ST18: variants seen among roughly 807,000 people sequenced by gnomAD.
The protein encoded by ST18 is suppression of tumorigenicity 18 protein.
Under a neutral mutation model 110.0 loss-of-function variants are expected in ST18, and 50 were observed. The observed-to-expected ratio is 0.45, with a 90% CI of 0.36 to 0.58. ST18 has a LOEUF of 0.58. Ranked by LOEUF, ST18 falls within the 20% of genes least tolerant of loss-of-function variation. The pLI is 0.00. For missense variants in ST18, 1,306 were observed against 1,280.1 expected, an observed-to-expected ratio of 1.02 and a Z score of -0.31; for synonymous variants, 461 against 452.4, an observed-to-expected ratio of 1.02 and a Z score of -0.24.
At chr8:52,237,833 G>A (rs558426606) in intron 2 of ST18, among the ~76,000 whole-genome samples, 1 of 152,152 alleles carries the variant, frequency 6.6e-6, no homozygotes, top group African/African-American at 2.4e-5. Context: ...TAAAGCCCTT[G>A]TATCTAGAAT....
intron 2 of ST18, among the ~76,000 whole-genome samples, chr8:52,386,984 C>T (rs557442748): frequency 6.6e-6 from 1 of 152,288 alleles, no homozygotes; most frequent in East Asian, 1.9e-4. Context: ...CTTTGCAAAA[C>T]ACATTCAGCT....
intron 2 of ST18, among the ~76,000 whole-genome samples, chr8:52,352,049 G>A (rs1284733031): frequency 6.6e-6 from 1 of 152,148 alleles, no homozygotes; most frequent in South Asian, 2.1e-4. Context: ...CAAACCTGCA[G>A]AGCACCTGGA....
chr8:52,122,138 T>G (rs1415971081), intron 23 of ST18, among the ~76,000 whole-genome samples: 1 of 152,316 alleles, frequency 6.6e-6, no homozygotes, highest in Non-Finnish European at 1.5e-5. Flanking sequence ...ACACTGCGCC[T>G]AGCCTCCACT....
chr8:52,233,240 A>G (rs1297185140), intron 2 of ST18, among the ~76,000 whole-genome samples: 1 of 152,162 alleles, frequency 6.6e-6, no homozygotes, highest in Non-Finnish European at 1.5e-5. Flanking sequence ...AAATCAGTGG[A>G]GTCCTCCGTG....
chr8:52,191,417 A>T (rs1034434611), intron 8 of ST18, among the ~76,000 whole-genome samples: 3 of 152,106 alleles, frequency 2.0e-5, no homozygotes, highest in Non-Finnish European at 2.9e-5. Flanking sequence ...GCCCAGAAAC[A>T]ATCCATCATG....
chr8:52,116,468 G>A, intron 24 of ST18, 50 bp from the exon 25 acceptor site: 1 of 1,565,132 alleles, frequency 6.4e-7, no homozygotes, highest in East Asian at 2.3e-5. Flanking sequence ...TGGAAGGAGT[G>A]TAAAAGGTTT....
intron 2 of ST18, among the ~76,000 whole-genome samples, chr8:52,366,523 C>T (rs1407958531): frequency 3.3e-5 from 5 of 152,146 alleles, no homozygotes; most frequent in Non-Finnish European, 4.4e-5. Flanking sequence ...AAGTCTTGCT[C>T]GTTTTCTCTG....
chr8:52,257,026 T>C (rs1426298844), intron 2 of ST18, among the ~76,000 whole-genome samples: 3 of 152,190 alleles, frequency 2.0e-5, no homozygotes, highest in Admixed American at 2.0e-4. Flanking sequence ...TTTGCCAATT[T>C]TGGACATTTT....
intron 2 of ST18, among the ~76,000 whole-genome samples, chr8:52,260,184 A>G (rs919703441): frequency 5.9e-5 from 9 of 152,120 alleles, no homozygotes; most frequent in African/African-American, 2.2e-4. Context: ...GGAGTAAGTT[A>G]TTTGCTGAGG....
intron 2 of ST18, among the ~76,000 whole-genome samples, chr8:52,252,664 A>G (rs923318548): frequency 6.6e-6 from 1 of 152,026 alleles, no homozygotes; most frequent in African/African-American, 2.4e-5. Flanking sequence ...TGCTCCTACC[A>G]TAACATAAAT....
intron 3 of ST18, among the ~76,000 whole-genome samples, chr8:52,222,607 G>A (rs1224289942): frequency 2.0e-5 from 3 of 152,132 alleles, no homozygotes; most frequent in African/African-American, 4.8e-5. Flanking sequence ...AAATGGGAAC[G>A]AGGAGCCCTG....
intron 2 of ST18, among the ~76,000 whole-genome samples, chr8:52,334,570 T>C (rs577768137): frequency 2.0e-5 from 3 of 152,342 alleles, no homozygotes; most frequent in Non-Finnish European, 2.9e-5. Context: ...GACATTCTTG[T>C]AGGAAAATAT....
intron 2 of ST18, among the ~76,000 whole-genome samples, chr8:52,231,541 G>A (rs556039742): frequency 2.0e-5 from 3 of 151,500 alleles, no homozygotes; most frequent in East Asian, 1.9e-4. Flanking sequence ...GCAGTGGCAC[G>A]ATCTTGGCTC....
intron 2 of ST18, among the ~76,000 whole-genome samples, chr8:52,272,582 A>G (rs548617008): frequency 6.7e-6 from 1 of 150,132 alleles, no homozygotes; most frequent in African/African-American, 2.5e-5. Flanking sequence ...TTGCAAGGAT[A>G]TGGAGAAAAG....
chr8:52,258,127 T>C (rs909860914), intron 2 of ST18, among the ~76,000 whole-genome samples: 2 of 152,238 alleles, frequency 1.3e-5, no homozygotes, highest in Non-Finnish European at 2.9e-5. Context: ...TTCTATTTCA[T>C]TGATGTACAT....
chr8:52,358,971 T>G (rs1590222258), intron 2 of ST18, among the ~76,000 whole-genome samples: 1 of 151,764 alleles, frequency 6.6e-6, no homozygotes, highest in South Asian at 2.1e-4. Context: ...AAAATCCCCA[T>G]GAAAATACTA....
rs150475261 is a variant in ST18 at position 52,158,623 on chromosome 8, C to T, written c.1806+275G>A. Among the ~76,000 whole-genome samples, 26 of 152,278 alleles carry T rather than the reference C, an allele frequency of 1.7e-4. No homozygotes were observed. The East Asian group carries it at 4.8e-3, about 28-fold the overall frequency. ...AAAACAGCTTTGAAATGTGTAAATT[C>T]TCCCCAACCCATCTCTGTAACTCAC... On this transcript the variant is annotated intron_variant, in intron 15 of 25. Coordinates refer to ENST00000689386, the MANE Select transcript of ST18 (RefSeq NM_001352837.2).
intron 25 of ST18, among the ~76,000 whole-genome samples, chr8:52,113,954 G>GGTTTTTT (rs2041422738): frequency 2.2e-5 from 1 of 45,422 alleles, no homozygotes; most frequent in Non-Finnish European, 3.8e-5. Flanking sequence ...TTCATACCGT[G>GGTTTTTT]TTTTTTTTTT....
At chr8:52,271,112 T>C (rs571774734) in intron 2 of ST18, among the ~76,000 whole-genome samples, 1 of 152,110 alleles carries the variant, frequency 6.6e-6, no homozygotes, top group Non-Finnish European at 1.5e-5. Context: ...GTTAGCCAGG[T>C]TGGTCTCGAT....
Sources: allele counts gnomAD v4.1 joint callset (sites outside exome capture counted in the v4.1 genomes callset), GRCh38; gene constraint gnomAD v4.1.1; transcripts MANE v1.5; gene names NCBI Gene and HGNC (gene_info 2026-07-23, HGNC 2026-07-21).